The following COG6 variants were observed in gnomAD, a reference collection of about 807,000 sequenced individuals.
COG6 encodes the protein component of oligomeric golgi complex 6.
A neutral mutation model predicts 88.8 loss-of-function variants in COG6; 74 were observed. That is an observed-to-expected ratio of 0.83 (90% CI 0.69 to 1.01). The LOEUF is 1.01. Ranked by LOEUF, COG6 falls within the 50% of genes least tolerant of loss-of-function variation. COG6 has a pLI of 0.00. For missense variants in COG6, 800 were observed against 797.9 expected (o/e 1.00, Z -0.03); for synonymous variants, 286 against 278.7 (o/e 1.03, Z -0.26).
chr13:39,753,561 G>A, downstream of COG6, among the ~76,000 whole-genome samples: 1 of 152,088 alleles, frequency 6.6e-6, no homozygotes, highest in South Asian at 2.1e-4. Context: ...GAAACTATTA[G>A]ATTAATCTTC....
At chr13:39,679,476 A>T in intron 5 of COG6, 62 bp from the exon 6 acceptor site, 1 of 915,192 alleles carries the variant, frequency 1.1e-6, no homozygotes, top group South Asian at 1.3e-5. Context: ...GTGACCTTTC[A>T]GTTTTAAATA....
At chr13:39,665,778 T>G (rs958937121) in intron 4 of COG6, among the ~76,000 whole-genome samples, 1 of 152,198 alleles carries the variant, frequency 6.6e-6, no homozygotes, top group African/African-American at 2.4e-5. Flanking sequence ...TGCTCAGTAG[T>G]TGGGTACATC....
chr13:39,723,423 C>G lies in COG6; in HGVS notation c.1675C>G (p.Gln559Glu). ...GAGTTACATCTATAACACTGTACAG[C>G]AACATAAACCTGAACAGGTAAGTGC... Reference protein sequence around the residue: ...GLSYIYNTVQQHKPEQGSLAN... With the variant: ...GLSYIYNTVQEHKPEQGSLAN... The change falls in exon 16 of 19, where the codon CAA becomes GAA. Residue 559 changes from glutamine (Q) to glutamate (E), a missense_variant. Transcript: ENST00000455146. 6.3e-7 allele frequency: 1 copy of G among 1,589,192 alleles called. No homozygotes were observed. Among genetic ancestry groups the G allele is most frequent in the East Asian group, 2.2e-5 (1 of 44,718 alleles).
intron 18 of COG6, among the ~76,000 whole-genome samples, chr13:39,733,889 T>G (rs1045053932): frequency 6.6e-6 from 1 of 152,172 alleles, no homozygotes; most frequent in African/African-American, 2.4e-5. Flanking sequence ...TGTCTAGGAA[T>G]TTATTCATTT....
At chr13:39,786,528 C>T (rs1460732633) in intron 18 of COG6, among the ~76,000 whole-genome samples, 5 of 152,080 alleles carry the variant, frequency 3.3e-5, no homozygotes, top group African/African-American at 1.2e-4. Context: ...AAAATGACAA[C>T]CCCAGTAGGG....
At chr13:39,748,882 G>A (rs1338504477) in intron 18 of COG6, among the ~76,000 whole-genome samples, 1 of 152,154 alleles carries the variant, frequency 6.6e-6, no homozygotes, top group African/African-American at 2.4e-5. Context: ...AAGATCTTAA[G>A]TGGACTTCTT....
chr13:39,669,846 A>G (rs563720378), intron 4 of COG6, among the ~76,000 whole-genome samples: 1 of 152,180 alleles, frequency 6.6e-6, no homozygotes, highest in African/African-American at 2.4e-5. Flanking sequence ...CCCAAGAGCT[A>G]TAGATATGAT....
At position 39,751,853 on chromosome 13, in the gene COG6, G is replaced by A. The variant is rs1461785583; in HGVS notation, c.*760G>A. On this transcript the variant is annotated 3_prime_UTR_variant, in exon 19 of 19. Coordinates refer to ENST00000455146, the MANE Select transcript of COG6 (RefSeq NM_020751.3). ...CTTTCCAATGAGCTCTAAGCATGTA[G>A]ATAGCCTGAGCTGTGTCTAAGCCTG... 2.3e-6 allele frequency: 3 copies of A among 1,287,002 alleles called. No homozygotes were observed. The African/African-American group carries it at 4.6e-5, about 20-fold the overall frequency. 79.7% of individuals were successfully genotyped at this position (1,287,002 alleles called of 1,614,324 possible).
intron 13 of COG6, among the ~76,000 whole-genome samples, chr13:39,703,472 CCAT>C (rs1296353371): frequency 2.6e-5 from 4 of 152,082 alleles, no homozygotes; most frequent in Non-Finnish European, 5.9e-5. Flanking sequence ...AATATTAACT[CCAT>C]CATATATATT....
chr13:39,725,027 G>C (rs1879058494), intron 17 of COG6, among the ~76,000 whole-genome samples: 1 of 151,752 alleles, frequency 6.6e-6, no homozygotes, highest in Non-Finnish European at 1.5e-5. Context: ...CTTCTTTTCA[G>C]GTGAAGATCT....
At chr13:39,676,008 C>A (rs541462040) in intron 4 of COG6, among the ~76,000 whole-genome samples, 4 of 152,142 alleles carry the variant, frequency 2.6e-5, no homozygotes, top group African/African-American at 4.8e-5. Flanking sequence ...CCATATCTAT[C>A]ACTTTAAACA....
At position 39,678,801 on chromosome 13, in the gene COG6, G is replaced by T. The variant is rs192481389; in HGVS notation, c.541-737G>T. Among the ~76,000 whole-genome samples the T allele has an allele frequency of 3.3e-5, 5 of 152,142 alleles. No homozygotes were observed. In the East Asian group the frequency reaches 9.6e-4, roughly 29 times the overall value. On this transcript the variant is annotated intron_variant, in intron 5 of 18. Transcript: ENST00000455146. ...GGTGTAGAGAGGTAAATAGGTGAGA[G>T]AATTAATAGAGATATTATGTATTAG...
rs943919415 is a variant in COG6, at chr13:39,781,154, G to C, written c.1827-7181G>C. On this transcript the variant is annotated intron_variant, in intron 18 of 18. Transcript: ENST00000416691. ...TCATCCAAGGAAAATAAATGGAGGT[G>C]AAGGGCCTGGGGGTGGGGACAAGGA... is the stretch of plus-strand genomic sequence containing the variant. Among the ~76,000 whole-genome samples, 11 of 152,164 alleles carry C rather than the reference G, an allele frequency of 7.2e-5. No individual in the cohort carries two copies. In the East Asian group the frequency reaches 2.1e-3, roughly 29 times the overall value.
intron 4 of COG6, among the ~76,000 whole-genome samples, chr13:39,674,686 A>G (rs2137976583): frequency 6.6e-6 from 1 of 152,304 alleles, no homozygotes; most frequent in Non-Finnish European, 1.5e-5. Flanking sequence ...GCAATTTGTA[A>G]GCTTTAAATT....
chr13:39,741,869 C>A (rs1001168767), intron 18 of COG6, among the ~76,000 whole-genome samples: 8 of 152,020 alleles, frequency 5.3e-5, no homozygotes, highest in African/African-American at 1.7e-4. Context: ...GTCGGGTTAC[C>A]CACAAAGGGA....
downstream of COG6, among the ~76,000 whole-genome samples, chr13:39,752,866 G>C (rs563801462): frequency 6.6e-5 from 10 of 152,228 alleles, no homozygotes; most frequent in South Asian, 1.9e-3. Flanking sequence ...TTTGCATTTT[G>C]AACTATTTTC....
intron 2 of COG6, 116 bp from the exon 3 acceptor site, chr13:39,660,694 C>T: frequency 4.3e-6 from 3 of 696,950 alleles, no homozygotes; most frequent in Non-Finnish European, 7.7e-6. Flanking sequence ...GATCTCTTGT[C>T]ATGCCTTGAC....
chr13:39,660,689 C>T, intron 2 of COG6, 121 bp from the exon 3 acceptor site: 2 of 677,362 alleles, frequency 3.0e-6, no homozygotes, highest in Non-Finnish European at 2.6e-6. Context: ...TATGGGATCT[C>T]TTGTCATGCC....
At chr13:39,671,796 T>C (rs17060423) in intron 4 of COG6, among the ~76,000 whole-genome samples, 11,591 of 152,014 alleles carry the variant, frequency 0.076, 454 homozygotes, top group South Asian at 0.095. Flanking sequence ...TACAGTTTTA[T>C]TATATATTTT....
Sources: allele counts gnomAD v4.1 joint callset (sites outside exome capture counted in the v4.1 genomes callset), GRCh38; gene constraint gnomAD v4.1.1; transcripts MANE v1.5; gene names NCBI Gene and HGNC (gene_info 2026-07-23, HGNC 2026-07-21).